DLGAP2: variants seen among roughly 807,000 people sequenced by gnomAD.
DLGAP2 encodes DLG associated protein 2.
Under a neutral mutation model 100.3 loss-of-function variants are expected in DLGAP2, and 26 were observed. The ratio of observed to expected loss-of-function variants is 0.26; its 90% CI spans 0.19 to 0.36. The LOEUF (loss-of-function observed/expected upper bound fraction) is 0.36. DLGAP2 is among the 10% of genes least tolerant of loss of function. The pLI is 1.00. For synonymous variants in DLGAP2, 886 were observed against 630.1 expected (o/e 1.41, Z -6.08); for missense variants, 1,858 against 1,453.2 (o/e 1.28, Z -4.53).
chr8:1,324,803 A>G (rs1042380311), intron 3 of DLGAP2, among the ~76,000 whole-genome samples: 1 of 152,198 alleles, frequency 6.6e-6, no homozygotes, highest in African/African-American at 2.4e-5. Context: ...CGGGAGTCAC[A>G]GCATCTAAAA....
intron 2 of DLGAP2, among the ~76,000 whole-genome samples, chr8:963,243 C>T (rs1056515039): frequency 6.7e-6 from 1 of 149,044 alleles, no homozygotes; most frequent in Admixed American, 6.6e-5. Context: ...ACCCCACGAC[C>T]CCATTTGGAA....
intron 3 of DLGAP2, among the ~76,000 whole-genome samples, chr8:1,433,256 C>G (rs1797511035): frequency 6.6e-6 from 1 of 152,202 alleles, no homozygotes; most frequent in Non-Finnish European, 1.5e-5. Context: ...CCTCTGGCAA[C>G]AGAACCCATC....
intron 2 of DLGAP2, among the ~76,000 whole-genome samples, chr8:945,884 T>C (rs1313270343): frequency 6.6e-6 from 1 of 152,080 alleles, no homozygotes; most frequent in East Asian, 1.9e-4. Context: ...GTCTGAAATA[T>C]GTGTGTTGAA....
chr8:828,845 G>C (rs893140838), intron 1 of DLGAP2, among the ~76,000 whole-genome samples: 2 of 152,162 alleles, frequency 1.3e-5, no homozygotes, highest in Non-Finnish European at 2.9e-5. Flanking sequence ...GGCTTCAGCC[G>C]GTCCCTCCGT....
At chr8:1,244,256 C>A (rs1281759485) in intron 2 of DLGAP2, among the ~76,000 whole-genome samples, 5 of 152,222 alleles carry the variant, frequency 3.3e-5, no homozygotes, top group African/African-American at 1.2e-4. Flanking sequence ...TAGTGCCCGG[C>A]ATAGACTCTG....
At chr8:1,064,819 A>T (rs1205606446) in intron 2 of DLGAP2, among the ~76,000 whole-genome samples, 3 of 152,196 alleles carry the variant, frequency 2.0e-5, no homozygotes, top group Non-Finnish European at 4.4e-5. Flanking sequence ...TAGGAAGACA[A>T]GCGTGGTCCG....
intron 2 of DLGAP2, among the ~76,000 whole-genome samples, chr8:1,227,175 G>GATATATATATATAT (rs1491434618): frequency 1.6e-5 from 1 of 62,950 alleles, no homozygotes; most frequent in Non-Finnish European, 2.7e-5. Context: ...TATATATATA[G>GATATATATATATAT]TATAGATATA....
chr8:1,472,313 G>A (rs1159992448), intron 3 of DLGAP2, among the ~76,000 whole-genome samples: 2 of 152,086 alleles, frequency 1.3e-5, no homozygotes, highest in African/African-American at 2.4e-5. Context: ...CTGGGAGGGA[G>A]GCCAGGGGCG....
chr8:1,591,791 A>C (rs1156255070), intron 6 of DLGAP2, among the ~76,000 whole-genome samples: 1 of 152,128 alleles, frequency 6.6e-6, no homozygotes, highest in Non-Finnish European at 1.5e-5. Flanking sequence ...ACCCATCCCC[A>C]GCAGAGGGAA....
chr8:1,683,901 CACATATATGTGTAT>C lies in DLGAP2; in HGVS notation c.2704+5274_2704+5287del, dbSNP rs1585061158. On this transcript the variant is annotated intron_variant, in intron 12 of 14. Transcript: ENST00000637795. ...GTGTGTGTGTGTGTGTGTGTGTATA[CACATATATGTGTAT>C]ATATATATGTGTGTATATATGTGTA... Among the ~76,000 whole-genome samples, 13 of 72,792 alleles carry C rather than the reference CACATATATGTGTAT, an allele frequency of 1.8e-4. No homozygotes were observed. The East Asian group carries it at 2.3e-3, about 13-fold the overall frequency. The allele number at this position is 72,792 out of a possible 152,430, so 47.8% of individuals were successfully genotyped here. A position where few individuals can be genotyped will look rare whatever the true frequency, so the allele number is the denominator to read the frequency against.
chr8:1,630,088 A>G (rs746981625), intron 7 of DLGAP2, among the ~76,000 whole-genome samples: 13 of 152,158 alleles, frequency 8.5e-5, no homozygotes, highest in Non-Finnish European at 1.9e-4. Context: ...AGTCATTCCT[A>G]TGCAGAGTTC....
At position 1,146,617 on chromosome 8, in the gene DLGAP2, G is replaced by A. The variant is rs544657202; in HGVS notation, c.74-112234G>A. On this transcript the variant is annotated intron_variant, in intron 2 of 14. Transcript: ENST00000637795. ...CACCTGCGCATGTGTGTGCATGCACGTGTGTGCATGCATGTGTGTGCATGT... is the reference window on the plus strand; with the variant it reads ...CACCTGCGCATGTGTGTGCATGCACATGTGTGCATGCATGTGTGTGCATGT... Among the ~76,000 whole-genome samples the A allele has an allele frequency of 4.3e-4, 65 of 152,174 alleles. 1 individual carries two copies. In the South Asian group the frequency reaches 0.012, roughly 28 times the overall value.
At chr8:894,763 G>T (rs1237618881) in intron 1 of DLGAP2, among the ~76,000 whole-genome samples, 1 of 96,658 alleles carries the variant, frequency 1.0e-5, no homozygotes, top group Non-Finnish European at 2.0e-5. Flanking sequence ...GTGGTGACTG[G>T]CAGGGGTAGT....
intron 2 of DLGAP2, among the ~76,000 whole-genome samples, chr8:1,148,564 T>C (rs1488508623): frequency 5.7e-5 from 2 of 35,070 alleles, no homozygotes; most frequent in East Asian, 8.9e-4. Flanking sequence ...AACTTAATAC[T>C]TCAATTTTTT....
At chr8:772,259 C>A (rs1821382849) in intron 1 of DLGAP2, among the ~76,000 whole-genome samples, 1 of 152,068 alleles carries the variant, frequency 6.6e-6, no homozygotes, top group Non-Finnish European at 1.5e-5. Context: ...CAGGCAAAAT[C>A]ATGTTTAATA....
intron 2 of DLGAP2, among the ~76,000 whole-genome samples, chr8:916,814 G>A (rs562703590): frequency 1.4e-4 from 22 of 152,206 alleles, no homozygotes; most frequent in East Asian, 5.8e-4. Context: ...TCAAGCAGCC[G>A]GATCGTGCAT....
At chr8:1,162,571 A>AATG (rs1796912920) in intron 2 of DLGAP2, among the ~76,000 whole-genome samples, 1 of 152,244 alleles carries the variant, frequency 6.6e-6, no homozygotes, top group Non-Finnish European at 1.5e-5. Context: ...GGTAATAGTC[A>AATG]ATGACATTCA....
intron 3 of DLGAP2, among the ~76,000 whole-genome samples, chr8:1,481,501 G>A (rs1202010359): frequency 7.8e-5 from 4 of 51,118 alleles, no homozygotes; most frequent in Non-Finnish European, 1.1e-4. Context: ...TTTTTGAGAT[G>A]GAGTTTTGCT....
chr8:1,620,979 G>A (rs781272967), intron 6 of DLGAP2, among the ~76,000 whole-genome samples: 21 of 151,972 alleles, frequency 1.4e-4, no homozygotes, highest in African/African-American at 4.6e-4. Flanking sequence ...CTCACTCCCC[G>A]CCTCCCAGCT....
Sources: allele counts gnomAD v4.1 joint callset (sites outside exome capture counted in the v4.1 genomes callset), GRCh38; gene constraint gnomAD v4.1.1; transcripts MANE v1.5; gene names NCBI Gene and HGNC (gene_info 2026-07-23, HGNC 2026-07-21).